CCDC85A: variants seen among roughly 807,000 people sequenced by gnomAD.
The protein encoded by CCDC85A is coiled-coil domain containing 85A, also known as coiled-coil domain-containing protein 85A.
In CCDC85A, 38 loss-of-function variants were observed where a neutral mutation model predicts 50.2. The ratio of observed to expected loss-of-function variants is 0.76; its 90% CI spans 0.58 to 0.99. The LOEUF (loss-of-function observed/expected upper bound fraction) is 0.99, where lower values mean the gene tolerates loss of function less well. Ranked by LOEUF, CCDC85A falls within the 50% of genes least tolerant of loss-of-function variation. The pLI, the probability that CCDC85A is intolerant of heterozygous loss-of-function variation, is 0.00. For synonymous variants in CCDC85A, 366 were observed against 301.4 expected (o/e 1.21, Z -2.22); for missense variants, 820 against 742.0 (o/e 1.11, Z -1.22).
chr2:56,250,094 A>T (rs1669689299), intron 2 of CCDC85A, among the ~76,000 whole-genome samples: 1 of 152,176 alleles, frequency 6.6e-6, no homozygotes, highest in African/African-American at 2.4e-5. Flanking sequence ...AAAACGTGTA[A>T]GCAAGGACTG....
chr2:56,326,112 A>G (rs1160720140), intron 2 of CCDC85A, among the ~76,000 whole-genome samples: 1 of 152,010 alleles, frequency 6.6e-6, no homozygotes, highest in Non-Finnish European at 1.5e-5. Context: ...TGCAGCATCT[A>G]TGTTCTCCAG....
At chr2:56,286,549 T>C (rs567469930) in intron 2 of CCDC85A, among the ~76,000 whole-genome samples, 1 of 152,324 alleles carries the variant, frequency 6.6e-6, no homozygotes, top group South Asian at 2.1e-4. Flanking sequence ...TTTTTACTAC[T>C]AGAATTGGCT....
intron 2 of CCDC85A, among the ~76,000 whole-genome samples, chr2:56,204,929 A>T (rs1448830615): frequency 6.6e-6 from 1 of 152,200 alleles, no homozygotes; most frequent in Non-Finnish European, 1.5e-5. Context: ...AACAGGCTAT[A>T]GTAGAGGTGA....
intron 2 of CCDC85A, among the ~76,000 whole-genome samples, chr2:56,339,132 C>A (rs891008719): frequency 6.6e-6 from 1 of 152,184 alleles, no homozygotes; most frequent in Non-Finnish European, 1.5e-5. Context: ...CTGGCTTTAT[C>A]TTCATCCTAA....
chr2:56,334,749 G>C (rs1033159194), intron 2 of CCDC85A, among the ~76,000 whole-genome samples: 8 of 152,194 alleles, frequency 5.3e-5, no homozygotes, highest in African/African-American at 1.9e-4. Flanking sequence ...TCCATGAAAG[G>C]AAGAATAGGG....
intron 2 of CCDC85A, among the ~76,000 whole-genome samples, chr2:56,297,570 T>C (rs1458996854): frequency 2.0e-5 from 3 of 152,180 alleles, no homozygotes; most frequent in African/African-American, 7.2e-5. Flanking sequence ...TCAAGTGGAA[T>C]CACAGTGCAG....
At chr2:56,291,902 G>C (rs1037942910) in intron 2 of CCDC85A, among the ~76,000 whole-genome samples, 1 of 152,040 alleles carries the variant, frequency 6.6e-6, no homozygotes, top group South Asian at 2.1e-4. Context: ...GAGCCCAGTG[G>C]GAGGCTGGTG....
chr2:56,184,533 G>A lies in CCDC85A; in HGVS notation c.-92G>A. The A allele has an allele frequency of 1.5e-6, 2 of 1,300,224 alleles. No individual in the cohort carries two copies. The highest frequency in any genetic ancestry group is 2.0e-6 in the Non-Finnish European group (2 of 1,018,990). The allele number at this position is 1,300,224 out of a possible 1,614,324, so 80.5% of individuals were successfully genotyped here. On this transcript the variant is annotated 5_prime_UTR_variant, in exon 1 of 6. Transcript: ENST00000407595. ...TGCCGCTGACTCGCCGGAGCGCACA[G>A]GGGTGTGGGCGGAGGCGGCCTCGCC...
At chr2:56,334,121 A>G (rs912859022) in intron 2 of CCDC85A, among the ~76,000 whole-genome samples, 1 of 152,116 alleles carries the variant, frequency 6.6e-6, no homozygotes, top group Non-Finnish European at 1.5e-5. Context: ...AAATCTCTCT[A>G]TCCTAGTATT....
At chr2:56,351,961 T>C (rs1573320297) in intron 3 of CCDC85A, among the ~76,000 whole-genome samples, 1 of 152,214 alleles carries the variant, frequency 6.6e-6, no homozygotes, top group South Asian at 2.1e-4. Context: ...GCCTAGGTTT[T>C]CTTCTAGGGT....
intron 2 of CCDC85A, among the ~76,000 whole-genome samples, chr2:56,242,105 C>T (rs1429292775): frequency 6.6e-6 from 1 of 152,050 alleles, no homozygotes; most frequent in Non-Finnish European, 1.5e-5. Flanking sequence ...TTTTCATATG[C>T]CTATTTTCCA....
chr2:56,252,928 A>G (rs1255055616), intron 2 of CCDC85A, among the ~76,000 whole-genome samples: 1 of 152,154 alleles, frequency 6.6e-6, no homozygotes, highest in Non-Finnish European at 1.5e-5. Context: ...CTGAGGCAGG[A>G]GAATCACTTG....
At chr2:56,258,753 T>C (rs538256739) in intron 2 of CCDC85A, among the ~76,000 whole-genome samples, 2 of 152,260 alleles carry the variant, frequency 1.3e-5, no homozygotes, top group Non-Finnish European at 2.9e-5. Flanking sequence ...CAGGTCTGGG[T>C]TTGGCTTGAT....
chr2:56,322,378 T>G (rs1409609110), intron 2 of CCDC85A, among the ~76,000 whole-genome samples: 1 of 152,036 alleles, frequency 6.6e-6, no homozygotes, highest in Non-Finnish European at 1.5e-5. Context: ...GGGAGAAAAT[T>G]TTTGCAATCT....
At chr2:56,308,001 A>T (rs902369856) in intron 2 of CCDC85A, among the ~76,000 whole-genome samples, 1 of 152,192 alleles carries the variant, frequency 6.6e-6, no homozygotes, top group African/African-American at 2.4e-5. Context: ...TGTGTTTTAC[A>T]TGTGTCACTC....
At position 56,184,158 on chromosome 2, in the gene CCDC85A, G is replaced by T. The variant is rs549225112; in HGVS notation, c.-467G>T. 1.8e-3 allele frequency: 1,740 copies of T among 986,414 alleles called. 28 individuals are homozygous for T. In the African/African-American group the frequency reaches 0.029, roughly 16 times the overall value. The allele number at this position is 986,414 out of a possible 1,614,324, so 61.1% of individuals were successfully genotyped here. ...GCCCGGCGCGCCCTCCAAGCTAGGA[G>T]AGGGGAGAAGCCGGGGGCTGCAGCT... is the stretch of plus-strand genomic sequence containing the variant. On this transcript the variant is annotated 5_prime_UTR_variant, in exon 1 of 6. Transcript: ENST00000407595.
At chr2:56,361,309 G>A (rs916581953) in intron 3 of CCDC85A, among the ~76,000 whole-genome samples, 7 of 151,952 alleles carry the variant, frequency 4.6e-5, no homozygotes, top group African/African-American at 1.7e-4. Context: ...AAGGCTGATG[G>A]CTAGCATTGG....
At position 56,245,371 on chromosome 2, in the gene CCDC85A, C is replaced by G. The variant is rs947891861; in HGVS notation, c.1240+51931C>G. ...AAAATCCTGCAGTTGCCTGCTCTAC[C>G]TCCCACAAGCCCACAGATTCCCTCC... On this transcript the variant is annotated intron_variant, in intron 2 of 5. Transcript: ENST00000407595. Among the ~76,000 whole-genome samples the G allele has an allele frequency of 3.9e-5, 6 of 152,348 alleles. No individual in the cohort carries two copies. The East Asian group carries it at 7.7e-4, about 20-fold the overall frequency.
Position 56,327,831 on chromosome 2 carries a change from CAAAA to C in CCDC85A, c.1241-15030_1241-15027del, listed in dbSNP as rs70955016. Among the ~76,000 whole-genome samples the C allele has an allele frequency of 4.2e-3, 396 of 93,216 alleles. 4 individuals carry two copies. The highest frequency in any genetic ancestry group is 0.014 in the African/African-American group (362 of 26,718). 61.2% of individuals were successfully genotyped at this position (93,216 alleles called of 152,430 possible). ...ATTACTGGGGATGAGTAGAGTAAGG[CAAAA>C]AAAAAAAAAAAAAAAAAGATTTTAA... On this transcript the variant is annotated intron_variant, in intron 2 of 5. Transcript: ENST00000407595.
Sources: allele counts gnomAD v4.1 joint callset (sites outside exome capture counted in the v4.1 genomes callset), GRCh38; gene constraint gnomAD v4.1.1; transcripts MANE v1.5; gene names NCBI Gene and HGNC (gene_info 2026-07-23, HGNC 2026-07-21).